GALNT13: variants seen among roughly 807,000 people sequenced by gnomAD.
GALNT13 encodes UDP-GalNAc:polypeptide N-acetylgalactosaminyltransferase 13.
A neutral mutation model predicts 64.2 loss-of-function variants in GALNT13; 28 were observed. The observed-to-expected ratio is 0.44, with a 90% CI of 0.32 to 0.60. The LOEUF is 0.60. Among genes scored for constraint, GALNT13 ranks in the 20% least tolerant of loss-of-function variants. GALNT13 has a pLI of 0.05. For missense variants in GALNT13, 577 were observed against 669.8 expected (o/e 0.86, Z 1.53); for synonymous variants, 214 against 224.6 (o/e 0.95, Z 0.42).
chr2:153,155,238 T>TA, the GALNT13 span, among the ~76,000 whole-genome samples: 15 of 152,316 alleles, frequency 9.8e-5, no homozygotes, highest in African/African-American at 3.6e-4. Context: ...GCTGGCCTCA[T>TA]AGAATGTGTT....
At chr2:153,255,508 C>T in the GALNT13 span, among the ~76,000 whole-genome samples, 3 of 151,094 alleles carry the variant, frequency 2.0e-5, no homozygotes, top group African/African-American at 7.3e-5. Flanking sequence ...TTGATCCTGT[C>T]ATTATGATGT....
intron 9 of GALNT13, among the ~76,000 whole-genome samples, chr2:154,336,505 G>A (rs576140168): frequency 2.0e-5 from 3 of 152,156 alleles, no homozygotes; most frequent in African/African-American, 7.2e-5. Flanking sequence ...ATGAAGCATG[G>A]AAAGAAATGC....
chr2:154,216,321 T>C (rs1343339613), intron 4 of GALNT13, among the ~76,000 whole-genome samples: 1 of 152,138 alleles, frequency 6.6e-6, no homozygotes, highest in Non-Finnish European at 1.5e-5. Flanking sequence ...TTTATAGTGC[T>C]TAATGAAACA....
At chr2:153,080,851 T>C in the GALNT13 span, among the ~76,000 whole-genome samples, 17 of 152,246 alleles carry the variant, frequency 1.1e-4, no homozygotes, top group African/African-American at 4.1e-4. Flanking sequence ...TTGTGAATTA[T>C]ACCTTTAGCA....
the GALNT13 span, among the ~76,000 whole-genome samples, chr2:153,248,829 G>GAA: frequency 6.8e-4 from 30 of 44,196 alleles, no homozygotes; most frequent in African/African-American, 2.0e-3. Context: ...AAAAAAAAAA[G>GAA]AAAAAAAAGA....
intron 11 of GALNT13, among the ~76,000 whole-genome samples, chr2:154,414,509 T>A (rs1215659723): frequency 6.6e-6 from 1 of 150,944 alleles, no homozygotes; most frequent in Non-Finnish European, 1.5e-5. Flanking sequence ...TGTATTATAT[T>A]TTTTTTTTGT....
the GALNT13 span, among the ~76,000 whole-genome samples, chr2:153,209,644 C>T: frequency 6.6e-6 from 1 of 152,006 alleles, no homozygotes; most frequent in African/African-American, 2.4e-5. Context: ...TTTATGTCTT[C>T]TTGGTCTTCT....
intron 3 of GALNT13, among the ~76,000 whole-genome samples, chr2:153,973,231 C>G (rs989177235): frequency 4.0e-5 from 6 of 151,880 alleles, no homozygotes; most frequent in Non-Finnish European, 7.4e-5. Flanking sequence ...ACCTAGAGCT[C>G]TATTTAAAAA....
At chr2:153,903,613 A>G (rs1168006978) in intron 2 of GALNT13, among the ~76,000 whole-genome samples, 3 of 151,982 alleles carry the variant, frequency 2.0e-5, no homozygotes, top group African/African-American at 7.2e-5. Context: ...ATGTGTTATT[A>G]ATAGTACTGT....
At chr2:153,233,667 G>A in the GALNT13 span, among the ~76,000 whole-genome samples, 8 of 152,062 alleles carry the variant, frequency 5.3e-5, no homozygotes, top group South Asian at 1.7e-3. Context: ...CAGACTTAGG[G>A]GCAAATAATA....
At chr2:153,800,089 C>A in the GALNT13 span, among the ~76,000 whole-genome samples, 9 of 104,236 alleles carry the variant, frequency 8.6e-5, no homozygotes, top group Non-Finnish European at 1.3e-4. Context: ...TCTCTCCACC[C>A]CCCACCACCA....
the GALNT13 span, among the ~76,000 whole-genome samples, chr2:153,331,203 A>G: frequency 3.8e-4 from 57 of 148,648 alleles, 2 homozygotes; most frequent in Admixed American, 3.4e-3. Context: ...TTTTGTGTCT[A>G]TGTTCATCAG....
chr2:153,283,289 A>T, the GALNT13 span, among the ~76,000 whole-genome samples: 1 of 152,172 alleles, frequency 6.6e-6, no homozygotes, highest in African/African-American at 2.4e-5. Flanking sequence ...TCCTCTGCCC[A>T]AGCTCTTTGC....
At chr2:153,102,928 T>C in the GALNT13 span, among the ~76,000 whole-genome samples, 1 of 152,122 alleles carries the variant, frequency 6.6e-6, no homozygotes, top group Admixed American at 6.6e-5. Flanking sequence ...ACAACCTCCT[T>C]TACATAACCA....
At chr2:153,248,700 C>T in the GALNT13 span, among the ~76,000 whole-genome samples, 1 of 151,544 alleles carries the variant, frequency 6.6e-6, no homozygotes, top group African/African-American at 2.4e-5. Flanking sequence ...CCTGTAGTCC[C>T]AGCTACTCAG....
chr2:153,667,633 A>G, the GALNT13 span, among the ~76,000 whole-genome samples: 2 of 152,224 alleles, frequency 1.3e-5, no homozygotes, highest in South Asian at 2.1e-4. Context: ...GGAGTGGTAA[A>G]CATGAAAGTG....
At chr2:153,301,436 G>A in the GALNT13 span, among the ~76,000 whole-genome samples, 11 of 151,646 alleles carry the variant, frequency 7.3e-5, no homozygotes, top group African/African-American at 1.9e-4. Flanking sequence ...AATAAAAGGT[G>A]TATATATGTA....
chr2:154,049,406 A>G lies in GALNT13; in HGVS notation c.143-90931A>G, dbSNP rs987363050. ...ACTATATAATGATATATAAAGATAT[A>G]TGAATATATGGATATAATGGTATAT... On this transcript the variant is annotated intron_variant, in intron 3 of 12. Transcript: ENST00000392825. Among the ~76,000 whole-genome samples, 15 of 148,236 alleles carry G rather than the reference A, an allele frequency of 1.0e-4. No homozygotes were observed. The East Asian group carries it at 2.9e-3, about 29-fold the overall frequency.
the GALNT13 span, among the ~76,000 whole-genome samples, chr2:153,567,931 G>A: frequency 6.6e-6 from 1 of 152,180 alleles, no homozygotes; most frequent in South Asian, 2.1e-4. Context: ...CGTACATTAA[G>A]CTTACTTAGC....
Sources: allele counts gnomAD v4.1 joint callset (sites outside exome capture counted in the v4.1 genomes callset), GRCh38; gene constraint gnomAD v4.1.1; transcripts MANE v1.5; gene names NCBI Gene and HGNC (gene_info 2026-07-23, HGNC 2026-07-21).